ADAR: variants seen among roughly 807,000 people sequenced by gnomAD.
The protein encoded by ADAR is double-stranded RNA-specific adenosine deaminase.
A neutral mutation model predicts 113.2 loss-of-function variants in ADAR; 41 were observed. The observed-to-expected ratio is 0.36, with a 90% CI of 0.28 to 0.47. The LOEUF is 0.47. Among genes scored for constraint, ADAR ranks in the 20% least tolerant of loss-of-function variants. ADAR has a pLI of 1.00. For synonymous variants in ADAR, 605 were observed against 572.6 expected, an observed-to-expected ratio of 1.06 and a Z score of -0.81; for missense variants, 1,242 against 1,540.9, an observed-to-expected ratio of 0.81 and a Z score of 3.25.
intron 11 of ADAR, among the ~76,000 whole-genome samples, chr1:154,586,585 G>A (rs552000456): frequency 6.6e-6 from 1 of 152,226 alleles, no homozygotes; most frequent in Non-Finnish European, 1.5e-5. Flanking sequence ...ATGGTGGTGA[G>A]GAGATTGAAA....
intron 1 of ADAR, among the ~76,000 whole-genome samples, chr1:154,626,512 A>C (rs1413354506): frequency 1.3e-5 from 2 of 152,172 alleles, no homozygotes; most frequent in Non-Finnish European, 2.9e-5. Flanking sequence ...TACCACCCCC[A>C]AGTCTGCATA....
chr1:154,618,375 G>A (rs189937103), intron 1 of ADAR, among the ~76,000 whole-genome samples: 12 of 152,146 alleles, frequency 7.9e-5, no homozygotes, highest in African/African-American at 2.4e-5. Context: ...ATTAAATAAC[G>A]ATTTACTGCA....
rs115959990 is a variant in ADAR at position 154,618,511 on chromosome 1, G to T, written c.-871+9344C>A. Among the ~76,000 whole-genome samples the T allele has an allele frequency of 1.6e-3, 249 of 152,216 alleles. 2 individuals carry two copies. Among genetic ancestry groups the T allele is most frequent in the African/African-American group, 5.8e-3 (239 of 41,552 alleles). Reference sequence around the variant, plus strand: ...TTCAAGTACAAGAACAAACAAAACAGTTTTTTAAAAAGAAGACAGCTACGC... The same window carrying T: ...TTCAAGTACAAGAACAAACAAAACATTTTTTTAAAAAGAAGACAGCTACGC... On this transcript the variant is annotated intron_variant, in intron 1 of 14. Transcript: ENST00000368471.
intron 1 of ADAR, among the ~76,000 whole-genome samples, chr1:154,627,452 C>G (rs931793378): frequency 2.6e-5 from 4 of 152,248 alleles, no homozygotes; most frequent in Admixed American, 2.0e-4. Context: ...GAGTCCCAGG[C>G]AGCTCACTCT....
At chr1:154,592,754 C>T (rs934107900) in intron 6 of ADAR, among the ~76,000 whole-genome samples, 2 of 151,880 alleles carry the variant, frequency 1.3e-5, no homozygotes, top group African/African-American at 4.8e-5. Flanking sequence ...TTGGACATGT[C>T]ATATTAGGGA....
rs771081930 is a variant in ADAR at position 154,602,419 on chromosome 1, A to G, written c.223T>C (p.Phe75Leu). 6.2e-7 allele frequency: 1 copy of G among 1,608,104 alleles called. No individual in the cohort carries two copies. The highest frequency in any genetic ancestry group is 8.5e-7 in the Non-Finnish European group (1 of 1,176,496). The part of the protein sequence containing the change: ...PPSLPGLRPR[F>L]PVLLASSTRG... ...GTACTGGAGGCAAGTAGTACTGGAA[A>G]CCTTGGCCGGAGTCCTGGGAGGGAA... The change falls in exon 2 of 15, where the codon TTT becomes CTT. Residue 75 changes from phenylalanine (F) to leucine (L), a missense_variant. Phe to Leu is a conservative substitution (Grantham distance 22, BLOSUM62 0). This residue lies in a region of ADAR where 462 missense variants were observed against 483.1 expected (regional missense o/e 0.96). Coordinates refer to ENST00000368474, the MANE Select transcript of ADAR (RefSeq NM_001111.5).
chr1:154,604,570 A>G lies in ADAR; in HGVS notation c.16-1944T>C, dbSNP rs184155930. ...TGTGTGGTGGTCAATTGTGTTTAAC[A>G]AACATGCCTTAGTTCACTGTGGATT... On this transcript the variant is annotated intron_variant, in intron 1 of 14. Coordinates refer to ENST00000368474, the MANE Select transcript of ADAR (RefSeq NM_001111.5). Among the ~76,000 whole-genome samples the G allele has an allele frequency of 5.3e-5, 8 of 152,326 alleles. No homozygotes were observed. In the East Asian group the frequency reaches 1.5e-3, roughly 29 times the overall value.
intron 9 of ADAR, 37 bp downstream of exon 9, chr1:154,589,332 A>G (rs982586461): frequency 1.3e-6 from 2 of 1,560,028 alleles, no homozygotes; most frequent in Non-Finnish European, 1.8e-6. Context: ...AGCTCTCCAC[A>G]GCCGGGCAGC....
chr1:154,627,212 C>A (rs1250064390), intron 1 of ADAR, among the ~76,000 whole-genome samples: 1 of 152,194 alleles, frequency 6.6e-6, no homozygotes, highest in African/African-American at 2.4e-5. Context: ...CTAGTGGGGC[C>A]CCCAAATCAA....
chr1:154,618,418 T>C (rs1571146912), intron 1 of ADAR, among the ~76,000 whole-genome samples: 2 of 152,206 alleles, frequency 1.3e-5, no homozygotes, highest in East Asian at 3.8e-4. Context: ...AAGGAGTGGA[T>C]ACCTGACAAA....
At chr1:154,599,589 C>G (rs1359242670) in intron 2 of ADAR, among the ~76,000 whole-genome samples, 2 of 148,840 alleles carry the variant, frequency 1.3e-5, no homozygotes, top group Non-Finnish European at 3.0e-5. Flanking sequence ...AGGGCCCTAG[C>G]CAGGAATCTA....
chr1:154,590,142 C>CG, intron 7 of ADAR, 42 bp downstream of exon 7: 1 of 809,410 alleles, frequency 1.2e-6, no homozygotes, highest in Non-Finnish European at 2.0e-6. Flanking sequence ...GTTAGGAGGA[C>CG]CCCCCCGCCC....
In ADAR at chr1:154,601,099, C is replaced by T. The variant is rs200830156; in HGVS notation, c.1543G>A (p.Ala515Thr). The T allele has an allele frequency of 1.2e-5, 20 of 1,614,046 alleles. No homozygotes were observed. The highest frequency in any genetic ancestry group is 1.0e-4 in the Admixed American group (6 of 60,002). ...ATGTTGAACTCACAGGTTTGACTAG[C>T]GAACTGGGCATATTCTAACAGCCCG... The part of the protein sequence containing the change: ...ISGLLEYAQF[A>T]SQTCEFNMIE... The change falls in exon 2 of 15, where the codon GCT (alanine) becomes ACT (threonine). Residue 515 changes from alanine (A) to threonine (T), a missense_variant. Coordinates refer to ENST00000368474, the MANE Select transcript of ADAR (RefSeq NM_001111.5). The surrounding 1 kb of genome is among the most constrained non-coding windows in gnomAD (Gnocchi z 4.7).
intron 1 of ADAR, among the ~76,000 whole-genome samples, chr1:154,617,363 A>C (rs1698661031): frequency 6.6e-6 from 1 of 152,196 alleles, no homozygotes; most frequent in Non-Finnish European, 1.5e-5. Context: ...GCCAGAGTCT[A>C]GATTCTTACT....
At position 154,583,323 on chromosome 1, in the gene ADAR, T is replaced by C. The variant is rs1315939437; in HGVS notation, c.*1483A>G. ...CTGCTCTTGGAGTCATGACCAACACTCTAAAAGCCAACAAAGTCCCTTCAA... is the reference window on the plus strand; with the variant it reads ...CTGCTCTTGGAGTCATGACCAACACCCTAAAAGCCAACAAAGTCCCTTCAA... On this transcript the variant is annotated 3_prime_UTR_variant, in exon 15 of 15. Coordinates refer to ENST00000368474, the MANE Select transcript of ADAR (RefSeq NM_001111.5). 3 of 152,114 alleles carry C rather than the reference T, an allele frequency of 2.0e-5. No individual in the cohort carries two copies. Among genetic ancestry groups the C allele is most frequent in the Admixed American group, 2.0e-4 (3 of 15,262 alleles). The allele number at this position is 152,114 out of a possible 1,614,324, so 9.4% of individuals were successfully genotyped here.
chr1:154,597,210 G>C lies in ADAR; in HGVS notation c.1992C>G (p.Ser664Arg). The C allele has an allele frequency of 1.9e-6, 3 of 1,614,088 alleles. No individual in the cohort carries two copies. The highest frequency in any genetic ancestry group is 2.5e-6 in the Non-Finnish European group (3 of 1,180,008). ...CGGCCATCTGCTTTGCCACTTTCTT[G>C]CTGGGAGCACTCACACTGGGGAAAG... ...AQTFPSVSAP[S>R]KKVAKQMAAE... Residue 664 changes from serine (S) to arginine (R), a missense_variant, in exon 5 of 15, where the codon AGC (serine) becomes AGG (arginine). By Grantham distance (110) the Ser-to-Arg change is moderately radical. Around this residue, in one of 2 missense-constraint regions of ADAR, gnomAD observed 780 missense variants for 1,057.9 expected, o/e 0.74. Transcript: ENST00000368474.
At chr1:154,627,892 G>A (rs765325344) in exon 1 of ADAR, 16 of 518,282 alleles carry the variant, frequency 3.1e-5, no homozygotes, top group African/African-American at 2.5e-4. Context: ...CCGGACACCC[G>A]GAGACTGCCA....
Position 154,601,004 on chromosome 1 carries a change from C to T in ADAR, c.1601+37G>A, listed in dbSNP as rs1199449463. ...CTGCGTCAGGAGCAAAAGCACCTGA[C>T]CCCAACCCTAGGTACAGTTCCTGGG... On this transcript the variant is annotated intron_variant, in intron 2 of 14. Coordinates refer to ENST00000368474, the MANE Select transcript of ADAR (RefSeq NM_001111.5). This position sits in a 1 kb window ranked among gnomAD's most constrained non-coding sequence, Gnocchi z 4.7. 1.2e-6 allele frequency: 2 copies of T among 1,613,272 alleles called. No homozygotes were observed. The highest frequency in any genetic ancestry group is 1.1e-5 in the South Asian group (1 of 91,046).
chr1:154,583,747 A>G lies in ADAR; in HGVS notation c.*1059T>C, dbSNP rs1696555809. On this transcript the variant is annotated 3_prime_UTR_variant, in exon 15 of 15. Coordinates refer to ENST00000368474, the MANE Select transcript of ADAR (RefSeq NM_001111.5). ...AACACTCCTAATTTACATGTGACTT[A>G]GTCAACTTCCCTTGGTGTCACTGTC... 1 of 152,258 alleles carries G rather than the reference A, an allele frequency of 6.6e-6. No individual in the cohort carries two copies. The highest frequency in any genetic ancestry group is 2.4e-5 in the African/African-American group (1 of 41,466). The allele number at this position is 152,258 out of a possible 1,614,324, so 9.4% of individuals were successfully genotyped here.
Sources: allele counts gnomAD v4.1 joint callset (sites outside exome capture counted in the v4.1 genomes callset), GRCh38; gene constraint gnomAD v4.1.1; regional missense constraint gnomAD v4.1.1; non-coding constraint Gnocchi (gnomAD v3.1); transcripts MANE v1.5; gene names NCBI Gene and HGNC (gene_info 2026-07-23, HGNC 2026-07-21).